USP3: variants seen among roughly 807,000 people sequenced by gnomAD.
The protein encoded by USP3 is ubiquitin specific peptidase 3.
In USP3, 20 loss-of-function variants were observed where a neutral mutation model predicts 72.3. The ratio of observed to expected loss-of-function variants is 0.28; its 90% CI spans 0.19 to 0.40. The LOEUF (loss-of-function observed/expected upper bound fraction) is 0.40. Among genes scored for constraint, USP3 ranks in the 10% least tolerant of loss-of-function variants. The pLI is 1.00. For missense variants in USP3, 479 were observed against 633.9 expected, an observed-to-expected ratio of 0.76 and a Z score of 2.62; for synonymous variants, 222 against 225.3, an observed-to-expected ratio of 0.99 and a Z score of 0.13.
chr15:63,558,008 T>G, intron 5 of USP3, 98 bp from the exon 6 acceptor site: 1 of 1,234,396 alleles, frequency 8.1e-7, no homozygotes, highest in Non-Finnish European at 1.2e-6. Flanking sequence ...CCAAATTGGC[T>G]TGGTGCTAGA....
chr15:63,578,626 AAAG>A (rs894398057), intron 11 of USP3, among the ~76,000 whole-genome samples: 11 of 151,656 alleles, frequency 7.3e-5, no homozygotes, highest in Admixed American at 7.2e-4. Flanking sequence ...AAAAAAAAAA[AAAG>A]AAGAAAAAAA....
intron 4 of USP3, among the ~76,000 whole-genome samples, chr15:63,555,103 G>C (rs548227695): frequency 1.3e-5 from 2 of 152,162 alleles, no homozygotes; most frequent in African/African-American, 2.4e-5. Flanking sequence ...CATTTATACA[G>C]TTAAAAAATC....
In USP3 at chr15:63,528,975, A is replaced by G; in HGVS notation, c.92-3672A>G. ...CAAAGCAATGCCATTTATTGGCTTCAGAATCCCTCATAATACCCTATCCTC... is the reference window on the plus strand; with the variant it reads ...CAAAGCAATGCCATTTATTGGCTTCGGAATCCCTCATAATACCCTATCCTC... On this transcript the variant is annotated intron_variant, in intron 1 of 14. Transcript: ENST00000380324. This position sits in a 1 kb window ranked among gnomAD's most constrained non-coding sequence, Gnocchi z 4.3. 2 of 1,281,984 alleles carry G rather than the reference A, an allele frequency of 1.6e-6. No individual in the cohort carries two copies. Among genetic ancestry groups the G allele is most frequent in the Non-Finnish European group, 2.0e-6 (2 of 983,974 alleles). 79.4% of individuals were successfully genotyped at this position (1,281,984 alleles called of 1,614,324 possible).
chr15:63,557,841 G>A (rs1301981980), intron 5 of USP3, among the ~76,000 whole-genome samples: 1 of 152,072 alleles, frequency 6.6e-6, no homozygotes, highest in East Asian at 1.9e-4. Context: ...TGTACTCCAT[G>A]GTACTCATTA....
chr15:63,542,096 C>T (rs938553822), intron 3 of USP3: 2 of 984,854 alleles, frequency 2.0e-6, no homozygotes, highest in African/African-American at 3.5e-5. Context: ...TTTCTTAGTT[C>T]TTCAAGGACA....
In USP3 at chr15:63,548,553, C is replaced by A. The variant is rs142679024; in HGVS notation, c.285-5162C>A. On this transcript the variant is annotated intron_variant, in intron 3 of 14. Coordinates refer to ENST00000380324, the MANE Select transcript of USP3 (RefSeq NM_006537.4). ...ATGTTGGTCAGGCTGATCGCGAACT[C>A]CTGACCTCAGGTGATCCACCCACCT... Among the ~76,000 whole-genome samples the A allele has an allele frequency of 1.7e-3, 259 of 152,206 alleles. 2 individuals are homozygous for A. Among genetic ancestry groups the A allele is most frequent in the South Asian group, 8.5e-3 (41 of 4,826 alleles).
intron 1 of USP3, among the ~76,000 whole-genome samples, chr15:63,506,032 G>C (rs2065708262): frequency 6.6e-6 from 1 of 152,138 alleles, no homozygotes; most frequent in South Asian, 2.1e-4. Flanking sequence ...ATGTACTCTG[G>C]GATAAGGAAT....
chr15:63,539,590 T>C (rs1161165352), intron 3 of USP3, among the ~76,000 whole-genome samples: 1 of 152,258 alleles, frequency 6.6e-6, no homozygotes, highest in African/African-American at 2.4e-5. Context: ...TTTATTTCGC[T>C]ATGGTCTGCT....
chr15:63,569,992 G>C (rs985186013), intron 8 of USP3, among the ~76,000 whole-genome samples: 1 of 152,304 alleles, frequency 6.6e-6, no homozygotes, highest in South Asian at 2.1e-4. Flanking sequence ...GTTCACACCT[G>C]GTTTTCTAGT....
rs1462610977 is a variant in USP3, at chr15:63,574,087, T to C, written c.950T>C (p.Ile317Thr). ...GTTGTCACGGCTATATTCGGAGGCATTCTCCAAAATGAGGTTAACTGCCTC... is the reference window on the plus strand; with the variant it reads ...GTTGTCACGGCTATATTCGGAGGCACTCTCCAAAATGAGGTTAACTGCCTC... ...STVVTAIFGG[I>T]LQNEVNCLIC... Residue 317 changes from isoleucine to threonine, a missense_variant, in exon 10 of 15, where the codon ATT becomes ACT. By Grantham distance (89) the Ile-to-Thr change is moderately conservative (BLOSUM62 -1). Coordinates refer to ENST00000380324, the MANE Select transcript of USP3 (RefSeq NM_006537.4). This position sits in a 1 kb window ranked among gnomAD's most constrained non-coding sequence, Gnocchi z 4.6. The C allele has an allele frequency of 7.5e-6, 12 of 1,598,634 alleles. No homozygotes were observed. Among genetic ancestry groups the C allele is most frequent in the East Asian group, 2.2e-5 (1 of 44,524 alleles).
In USP3 at chr15:63,529,148, T is replaced by C. The variant is rs2066029123; in HGVS notation, c.92-3499T>C. Reference sequence around the variant, plus strand: ...CAAGTAGCTGGGACTACAGATGCAATCACCACCACACTTGGCAGGTAGTAA... The same window carrying C: ...CAAGTAGCTGGGACTACAGATGCAACCACCACCACACTTGGCAGGTAGTAA... On this transcript the variant is annotated intron_variant, in intron 1 of 14. Transcript: ENST00000380324. This position sits in a 1 kb window ranked among gnomAD's most constrained non-coding sequence, Gnocchi z 4.2. The C allele has an allele frequency of 1.1e-6, 1 of 905,994 alleles. No individual in the cohort carries two copies. Among genetic ancestry groups the C allele is most frequent in the Non-Finnish European group, 1.6e-6 (1 of 640,002 alleles). The allele number at this position is 905,994 out of a possible 1,614,324, so 56.1% of individuals were successfully genotyped here. A position where few individuals can be genotyped will look rare whatever the true frequency, so the allele number is the denominator to read the frequency against.
rs1038142766 is a variant in USP3, at chr15:63,574,206, G to A, written c.1015+54G>A. On this transcript the variant is annotated intron_variant, in intron 10 of 14. Transcript: ENST00000380324. The surrounding 1 kb of genome is among the most constrained non-coding windows in gnomAD (Gnocchi z 4.6). ...AATATTTTATTAAAATAAATTTAAT[G>A]TTTCCTTCAAAAAATAAGTGTAAAG... 1.2e-4 allele frequency: 166 copies of A among 1,407,132 alleles called. No individual in the cohort carries two copies. The highest frequency in any genetic ancestry group is 1.5e-4 in the Non-Finnish European group (156 of 1,057,688). The allele number at this position is 1,407,132 out of a possible 1,614,324, so 87.2% of individuals were successfully genotyped here.
intron 6 of USP3, among the ~76,000 whole-genome samples, chr15:63,558,831 C>T (rs765111791): frequency 1.3e-5 from 2 of 152,026 alleles, no homozygotes; most frequent in Non-Finnish European, 2.9e-5. Flanking sequence ...GCCAAGATGG[C>T]GCCACTACAC....
intron 3 of USP3, among the ~76,000 whole-genome samples, chr15:63,537,961 C>T (rs558150143): frequency 2.6e-5 from 4 of 151,872 alleles, no homozygotes; most frequent in African/African-American, 9.7e-5. Flanking sequence ...CTGGGATTAA[C>T]AGGCATGAGC....
intron 1 of USP3, among the ~76,000 whole-genome samples, chr15:63,527,020 G>A (rs1316637979): frequency 6.6e-6 from 1 of 152,148 alleles, no homozygotes; most frequent in East Asian, 1.9e-4. Context: ...TCAGCCTCCG[G>A]AGCAGCAGGG....
chr15:63,558,339 G>A, intron 6 of USP3, 151 bp downstream of exon 6: 1 of 804,054 alleles, frequency 1.2e-6, no homozygotes. Flanking sequence ...CAGTAAAATT[G>A]GGGACAGTAG....
At chr15:63,556,913 C>A in intron 5 of USP3, 165 bp downstream of exon 5, 1 of 566,354 alleles carries the variant, frequency 1.8e-6, no homozygotes. Context: ...CGATTGTTGC[C>A]GTGACCCCAG....
chr15:63,548,527 C>T (rs963186278), intron 3 of USP3, among the ~76,000 whole-genome samples: 19 of 152,004 alleles, frequency 1.2e-4, no homozygotes, highest in African/African-American at 4.6e-4. Flanking sequence ...AGGGTTTCAC[C>T]ATGTTGGTCA....
intron 3 of USP3, among the ~76,000 whole-genome samples, chr15:63,538,926 C>G (rs1033644643): frequency 6.6e-6 from 1 of 152,114 alleles, no homozygotes; most frequent in African/African-American, 2.4e-5. Flanking sequence ...TGGAAGATGT[C>G]CAGACCTGGA....
Sources: allele counts gnomAD v4.1 joint callset (sites outside exome capture counted in the v4.1 genomes callset), GRCh38; gene constraint gnomAD v4.1.1; non-coding constraint Gnocchi (gnomAD v3.1); transcripts MANE v1.5; gene names NCBI Gene and HGNC (gene_info 2026-07-23, HGNC 2026-07-21).